Variants in RNASEH2B observed in about 807,000 individuals in gnomAD.
RNASEH2B encodes ribonuclease H2 subunit B.
Under a neutral mutation model 45.0 loss-of-function variants are expected in RNASEH2B, and 36 were observed. The observed-to-expected ratio is 0.80, with a 90% CI of 0.61 to 1.06. The LOEUF (loss-of-function observed/expected upper bound fraction) is 1.06, where lower values mean the gene tolerates loss of function less well. RNASEH2B is among the 50% of genes least tolerant of loss of function. The pLI is 0.00. For missense variants in RNASEH2B, 361 were observed against 360.3 expected (o/e 1.00, Z -0.02); for synonymous variants, 119 against 125.7 (o/e 0.95, Z 0.35).
At chr13:50,942,993 T>A (rs1445996811) in intron 5 of RNASEH2B, 7 of 249,542 alleles carry the variant, frequency 2.8e-5, no homozygotes, top group Non-Finnish European at 3.1e-5. Flanking sequence ...GCCCAGAATT[T>A]CCCTGCCTCC....
chr13:50,915,087 G>A (rs1346834152), intron 1 of RNASEH2B, among the ~76,000 whole-genome samples: 1 of 152,178 alleles, frequency 6.6e-6, no homozygotes, highest in Admixed American at 6.5e-5. Flanking sequence ...GTTATCTGTG[G>A]TTTGAGTTAC....
At chr13:50,963,582 A>C (rs1244843833) in intron 9 of RNASEH2B, among the ~76,000 whole-genome samples, 1 of 152,156 alleles carries the variant, frequency 6.6e-6, no homozygotes, top group Non-Finnish European at 1.5e-5. Flanking sequence ...TAAAATAGCT[A>C]CTTAAATGTC....
downstream of RNASEH2B, among the ~76,000 whole-genome samples, chr13:50,957,651 G>A (rs1221090505): frequency 6.6e-6 from 1 of 152,134 alleles, no homozygotes; most frequent in African/African-American, 2.4e-5. Context: ...TGGATCGAAT[G>A]GTAGTTCTGT....
In RNASEH2B at chr13:50,945,536, AG is replaced by A. The variant is rs1951890362; in HGVS notation, c.616+5del. 7 of 1,597,122 alleles carry A rather than the reference AG, an allele frequency of 4.4e-6. No individual in the cohort carries two copies. In the Admixed American group the frequency reaches 5.0e-5, roughly 11 times the overall value. The stretch of plus-strand genomic sequence containing the variant: ...CAAGCTTCCACTGACAAGGAAGGTA[AG>A]TAAAGCATTTTATCAGAAAAGATTT... On this transcript the variant is annotated splice_donor_5th_base_variant and intron_variant, in intron 7 of 10. Transcript: ENST00000336617.
chr13:50,930,863 C>T, intron 4 of RNASEH2B, 104 bp downstream of exon 4: 3 of 885,600 alleles, frequency 3.4e-6, no homozygotes, highest in Non-Finnish European at 3.8e-6. Flanking sequence ...ATTCTACCTT[C>T]AGATCTATTA....
At chr13:50,935,141 C>T in intron 5 of RNASEH2B, 142 bp downstream of exon 5, 1 of 678,020 alleles carries the variant, frequency 1.5e-6, no homozygotes, top group Non-Finnish European at 2.7e-6. Context: ...CTAACACTGC[C>T]AGCACTGTTC....
chr13:50,931,112 CA>C (rs1951676718), intron 4 of RNASEH2B, among the ~76,000 whole-genome samples: 1 of 151,276 alleles, frequency 6.6e-6, no homozygotes, highest in Admixed American at 6.6e-5. Flanking sequence ...AAAAATTGAC[CA>C]CATGTCTTAA....
In RNASEH2B at chr13:50,942,358, ATCT is replaced by A. The variant is rs148364114; in HGVS notation, c.437-959_437-957del. 326 of 152,306 alleles carry A rather than the reference ATCT, an allele frequency of 2.1e-3. 1 individual carries two copies. The highest frequency in any genetic ancestry group is 6.0e-3 in the African/African-American group (250 of 41,560). 9.4% of individuals were successfully genotyped at this position (152,306 alleles called of 1,614,324 possible). A position where few individuals can be genotyped will look rare whatever the true frequency, so the allele number is the denominator to read the frequency against. On this transcript the variant is annotated intron_variant, in intron 5 of 10. Coordinates refer to ENST00000336617, the MANE Select transcript of RNASEH2B (RefSeq NM_024570.4). ...CAGATTGAGCCTACCATAAATCTAA[ATCT>A]TCTCAAATAGCTATGATTATGTTGG...
intron 9 of RNASEH2B, chr13:50,951,563 G>A (rs1410037210): frequency 6.6e-6 from 1 of 152,032 alleles, no homozygotes; most frequent in East Asian, 1.9e-4. Context: ...AGATGTTCCC[G>A]AGTTCCTTCT....
At chr13:50,955,793 G>C (rs1952039474) in intron 10 of RNASEH2B, 1 of 153,544 alleles carries the variant, frequency 6.5e-6, no homozygotes, top group African/African-American at 2.4e-5. Context: ...GAGAGAGATA[G>C]AAATGTACAG....
intron 1 of RNASEH2B, among the ~76,000 whole-genome samples, chr13:50,925,994 A>G (rs184321837): frequency 1.2e-4 from 18 of 152,278 alleles, no homozygotes; most frequent in African/African-American, 4.3e-4. Context: ...TTTGTTTACC[A>G]TCTCTCAGGG....
chr13:50,930,644 AAG>A (rs1491487836), intron 3 of RNASEH2B, 37 bp from the exon 4 acceptor site: 1 of 1,428,812 alleles, frequency 7.0e-7, no homozygotes, highest in Non-Finnish European at 9.9e-7. Flanking sequence ...TTGTCTTTCC[AAG>A]ACGTTTAATT....
chr13:50,930,802 C>A (rs1460545667), intron 4 of RNASEH2B, 43 bp downstream of exon 4: 2 of 1,444,500 alleles, frequency 1.4e-6, no homozygotes, highest in South Asian at 1.1e-5. Flanking sequence ...GAAACAGAAT[C>A]AACTATTTTT....
intron 9 of RNASEH2B, among the ~76,000 whole-genome samples, chr13:50,965,734 TG>T (rs1014474314): frequency 6.6e-6 from 1 of 152,246 alleles, no homozygotes; most frequent in African/African-American, 2.4e-5. Context: ...TGGTAATAAA[TG>T]AAATAGATAC....
At chr13:50,940,136 T>C (rs1593467605) in intron 5 of RNASEH2B, among the ~76,000 whole-genome samples, 1 of 152,224 alleles carries the variant, frequency 6.6e-6, no homozygotes, top group South Asian at 2.1e-4. Flanking sequence ...GAAATAATGT[T>C]GAGCAAAAGA....
At chr13:50,940,759 CTT>C (rs1566085115) in intron 5 of RNASEH2B, 2 of 152,146 alleles carry the variant, frequency 1.3e-5, no homozygotes, top group Non-Finnish European at 2.9e-5. Flanking sequence ...ATACAGTTGA[CTT>C]TGGAGGAGGG....
chr13:50,958,625 G>GA (rs1360951597), downstream of RNASEH2B, among the ~76,000 whole-genome samples: 1 of 151,954 alleles, frequency 6.6e-6, no homozygotes, highest in African/African-American at 2.4e-5. Context: ...CTAATTCTGT[G>GA]AAAAATCACA....
chr13:50,933,403 C>T (rs749428336), intron 4 of RNASEH2B, among the ~76,000 whole-genome samples: 3 of 152,160 alleles, frequency 2.0e-5, no homozygotes, highest in Admixed American at 6.5e-5. Flanking sequence ...CATTTTAAAC[C>T]GTCGTACTTC....
At chr13:50,969,532 A>AAG (rs1566095713) in intron 9 of RNASEH2B, among the ~76,000 whole-genome samples, 2 of 151,934 alleles carry the variant, frequency 1.3e-5, no homozygotes, top group South Asian at 2.1e-4. Context: ...CAAAAAAAAA[A>AAG]AAAAAAGAAA....
Sources: allele counts gnomAD v4.1 joint callset (sites outside exome capture counted in the v4.1 genomes callset), GRCh38; gene constraint gnomAD v4.1.1; transcripts MANE v1.5; gene names NCBI Gene and HGNC (gene_info 2026-07-23, HGNC 2026-07-21).